KLHL29: variants seen among roughly 807,000 people sequenced by gnomAD.
KLHL29 encodes the protein kelch-like protein 29.
KLHL29 carries 21 observed loss-of-function variants against 80.4 expected under a neutral mutation model. The ratio of observed to expected loss-of-function variants is 0.26; its 90% CI spans 0.19 to 0.38. The LOEUF (loss-of-function observed/expected upper bound fraction) is 0.38, where lower values mean the gene tolerates loss of function less well. KLHL29 is among the 10% of genes least tolerant of loss of function. KLHL29 has a pLI of 1.00. For missense variants in KLHL29, 867 were observed against 1,223.9 expected (o/e 0.71, Z 4.35); for synonymous variants, 511 against 526.8 (o/e 0.97, Z 0.41).
intron 5 of KLHL29, among the ~76,000 whole-genome samples, chr2:23,646,933 A>G (rs148763963): frequency 2.0e-5 from 3 of 152,322 alleles, no homozygotes; most frequent in African/African-American, 7.2e-5. Flanking sequence ...GTCCGTACAT[A>G]GCACTGTGCC....
At chr2:23,674,855 G>A (rs56262900) in intron 5 of KLHL29, among the ~76,000 whole-genome samples, 11,580 of 152,078 alleles carry the variant, frequency 0.076, 501 homozygotes, top group South Asian at 0.11. Context: ...GGACGGTAGG[G>A]CCACCCTGCC....
At chr2:23,471,637 AAATT>A (rs1664497651) in intron 1 of KLHL29, among the ~76,000 whole-genome samples, 1 of 152,222 alleles carries the variant, frequency 6.6e-6, no homozygotes, top group African/African-American at 2.4e-5. Context: ...TTTTTAAAAT[AAATT>A]AGAGTCCTCT....
rs1349934561 is a variant in KLHL29 at position 23,700,166 on chromosome 2, A to ACTC, written c.2106-3017_2106-3015dup. On this transcript the variant is annotated intron_variant, in intron 11 of 13. Transcript: ENST00000486442. The surrounding 1 kb of genome is among the most constrained non-coding windows in gnomAD (Gnocchi z 4.6). Reference sequence around the variant, plus strand: ...ATTTAATCTTTCATTATCCAGTTGGACTCCTTCCTATTTTAGCATGTAAAC... The same window carrying ACTC: ...ATTTAATCTTTCATTATCCAGTTGGACTCCTCCTTCCTATTTTAGCATGTAAAC... 6.6e-6 allele frequency among the ~76,000 whole-genome samples: 1 copy of ACTC among 151,758 alleles called. No individual in the cohort carries two copies.
Position 23,642,739 on chromosome 2 carries a change from G to A in KLHL29, c.829G>A (p.Gly277Ser), listed in dbSNP as rs1339670445. Reference sequence around the variant, plus strand: ...CCAGCCGTCCGCCACTCTCCCCAGTGGTGCCCCTGCCACCAATGGGCCCCC... The same window carrying A: ...CCAGCCGTCCGCCACTCTCCCCAGTAGTGCCCCTGCCACCAATGGGCCCCC... ...PAQPSATLPS[G>S]APATNGPPTT... Residue 277 changes from glycine to serine, a missense_variant, in exon 5 of 14, where the codon GGT (glycine) becomes AGT (serine). Around this residue, in one of 2 missense-constraint regions of KLHL29, gnomAD observed 424 missense variants for 456.9 expected, o/e 0.93. Coordinates refer to ENST00000486442, the MANE Select transcript of KLHL29 (RefSeq NM_052920.2). 2.5e-5 allele frequency: 38 copies of A among 1,550,036 alleles called. 1 individual carries two copies. The highest frequency in any genetic ancestry group is 2.9e-5 in the Non-Finnish European group (33 of 1,146,796).
At chr2:23,615,601 T>C (rs1393151119) in intron 3 of KLHL29, among the ~76,000 whole-genome samples, 1 of 152,126 alleles carries the variant, frequency 6.6e-6, no homozygotes, top group African/African-American at 2.4e-5. Flanking sequence ...GCACTGGTGC[T>C]CTGGGCGGAG....
chr2:23,555,035 A>T (rs1364185787), intron 2 of KLHL29, among the ~76,000 whole-genome samples: 1 of 152,120 alleles, frequency 6.6e-6, no homozygotes, highest in East Asian at 1.9e-4. Context: ...CACTTGAGCC[A>T]CAGGGAGAAG....
intron 3 of KLHL29, among the ~76,000 whole-genome samples, chr2:23,633,625 G>C (rs919546679): frequency 6.6e-6 from 1 of 152,144 alleles, no homozygotes; most frequent in Non-Finnish European, 1.5e-5. Context: ...CCTTGGTGAT[G>C]TTCAGCTGAT....
chr2:23,386,332 G>A (rs1666182029), intron 1 of KLHL29, among the ~76,000 whole-genome samples: 1 of 152,170 alleles, frequency 6.6e-6, no homozygotes, highest in African/African-American at 2.4e-5. Context: ...TGGGGACTGG[G>A]TCTCTTTACT....
At chr2:23,690,647 G>C (rs1258277952) in intron 6 of KLHL29, 2 of 152,232 alleles carry the variant, frequency 1.3e-5, no homozygotes, top group African/African-American at 4.8e-5. Flanking sequence ...GAGGAGCCAG[G>C]ATGGGGCGGC....
intron 1 of KLHL29, among the ~76,000 whole-genome samples, chr2:23,425,914 C>T (rs183024959): frequency 9.2e-5 from 14 of 152,294 alleles, no homozygotes; most frequent in Non-Finnish European, 1.3e-4. Flanking sequence ...GGGAAGAGGC[C>T]GCCCAGGGCC....
rs542483851 is a variant in KLHL29 at position 23,538,890 on chromosome 2, C to T, written c.-45-23262C>T. Among the ~76,000 whole-genome samples the T allele has an allele frequency of 4.6e-5, 7 of 152,348 alleles. No individual in the cohort carries two copies. The South Asian group carries it at 1.2e-3, about 27-fold the overall frequency. ...CACCAAATGTGTGCACACAAAATCTCGTTCTTTCTTCATCATCAATCCCTC... is the reference window on the plus strand; with the variant it reads ...CACCAAATGTGTGCACACAAAATCTTGTTCTTTCTTCATCATCAATCCCTC... On this transcript the variant is annotated intron_variant, in intron 2 of 13. Transcript: ENST00000486442.
At chr2:23,525,496 T>C (rs1004981979) in intron 2 of KLHL29, among the ~76,000 whole-genome samples, 3 of 152,248 alleles carry the variant, frequency 2.0e-5, no homozygotes, top group Admixed American at 6.5e-5. Context: ...GCATCTGCTC[T>C]TGCCCTGTCT....
intron 4 of KLHL29, among the ~76,000 whole-genome samples, chr2:23,640,771 C>T (rs753143708): frequency 6.6e-6 from 1 of 152,180 alleles, no homozygotes; most frequent in Non-Finnish European, 1.5e-5. Context: ...GAAACTGGCT[C>T]GGGAAAGGCT....
At chr2:23,678,440 C>T (rs918541114) in intron 5 of KLHL29, among the ~76,000 whole-genome samples, 2 of 152,228 alleles carry the variant, frequency 1.3e-5, no homozygotes, top group African/African-American at 4.8e-5. Context: ...GCACCACTAT[C>T]ATAGGAATGA....
At chr2:23,423,303 G>T (rs1472793365) in intron 1 of KLHL29, among the ~76,000 whole-genome samples, 2 of 152,232 alleles carry the variant, frequency 1.3e-5, no homozygotes, top group African/African-American at 2.4e-5. Flanking sequence ...GGTCAGCCTG[G>T]CCGACTGACC....
Position 23,693,442 on chromosome 2 carries a change from A to G in KLHL29, c.1456A>G (p.Asn486Asp). 6.4e-7 allele frequency: 1 copy of G among 1,551,694 alleles called. No individual in the cohort carries two copies. The highest frequency in any genetic ancestry group is 8.7e-7 in the Non-Finnish European group (1 of 1,146,976). ...GGACGACTTCATCGCCTACGTCTCC[A>G]ACGACAGCCTCAACACCAAGGCTGA... ...SKDDFIAYVS[N>D]DSLNTKAEEL... Residue 486 changes from asparagine (N) to aspartate (D), a missense_variant, in exon 8 of 14, where the codon AAC (asparagine) becomes GAC (aspartate). Coordinates refer to ENST00000486442, the MANE Select transcript of KLHL29 (RefSeq NM_052920.2).
At chr2:23,439,918 G>C (rs867281253) in intron 1 of KLHL29, among the ~76,000 whole-genome samples, 16 of 151,902 alleles carry the variant, frequency 1.1e-4, no homozygotes, top group African/African-American at 3.9e-4. Flanking sequence ...GGGTGTTAAA[G>C]TCTCCCATTA....
At chr2:23,637,045 C>T (rs184910037) in intron 3 of KLHL29, among the ~76,000 whole-genome samples, 187 of 152,200 alleles carry the variant, frequency 1.2e-3, no homozygotes, top group Admixed American at 1.2e-3. Flanking sequence ...GGATCCCACA[C>T]GGTGGAGAGG....
chr2:23,482,430 G>A (rs1664821113), intron 2 of KLHL29, among the ~76,000 whole-genome samples: 1 of 152,224 alleles, frequency 6.6e-6, no homozygotes, highest in Admixed American at 6.5e-5. Flanking sequence ...AAGGAGACAT[G>A]GGTGCTGACC....
Sources: gnomAD v4.1 joint callset for allele counts (sites outside exome capture counted in the v4.1 genomes callset) on GRCh38, gnomAD v4.1.1 for gene constraint, gnomAD v4.1.1 regional missense constraint, Gnocchi (gnomAD v3.1) non-coding constraint, MANE v1.5 for transcripts, NCBI Gene and HGNC (gene_info 2026-07-23, HGNC 2026-07-21) for gene names.